BCO2: variants seen among roughly 807,000 people sequenced by gnomAD.
BCO2 encodes the protein carotenoid-cleaving dioxygenase, mitochondrial.
Under a neutral mutation model 65.8 loss-of-function variants are expected in BCO2, and 56 were observed. That is an observed-to-expected ratio of 0.85 (90% confidence interval 0.69 to 1.06). The LOEUF is 1.06. Among genes scored for constraint, BCO2 ranks in the 50% least tolerant of loss-of-function variants. The pLI, the probability that BCO2 is intolerant of heterozygous loss-of-function variation, is 0.00. For synonymous variants in BCO2, 233 were observed against 242.3 expected (o/e 0.96, Z 0.36); for missense variants, 675 against 698.5 (o/e 0.97, Z 0.38).
intron 11 of BCO2, 22 bp downstream of exon 11, chr11:112,216,352 C>T (rs773994641): frequency 1.2e-5 from 19 of 1,564,386 alleles, no homozygotes; most frequent in Non-Finnish European, 1.6e-5. Flanking sequence ...TCCCTATCAC[C>T]AGTCAGAAAG....
At chr11:112,189,677 C>G (rs542350536) in intron 2 of BCO2, among the ~76,000 whole-genome samples, 1 of 152,148 alleles carries the variant, frequency 6.6e-6, no homozygotes, top group African/African-American at 2.4e-5. Flanking sequence ...GCTGGGATTA[C>G]AGGCGTAAGC....
rs758735644 is a variant in BCO2, at chr11:112,194,649, G to T, written c.634-4G>T. 3 of 1,592,078 alleles carry T rather than the reference G, an allele frequency of 1.9e-6. No individual in the cohort carries two copies. The Admixed American group carries it at 5.0e-5, about 27-fold the overall frequency. ...AAAAATCTCCAGTGGTCTCAAATTT[G>T]CAGGTAGATTGGAGCAAATTTATTG... is the stretch of plus-strand genomic sequence containing the variant. On this transcript the variant is annotated splice_region_variant and splice_polypyrimidine_tract_variant and intron_variant, in intron 4 of 11. Transcript: ENST00000357685.
chr11:112,199,283 T>C (rs1359638691), intron 5 of BCO2, among the ~76,000 whole-genome samples: 1 of 152,220 alleles, frequency 6.6e-6, no homozygotes, highest in Admixed American at 6.5e-5. Flanking sequence ...GCAAAGGACA[T>C]GAACTCATCC....
intron 2 of BCO2, among the ~76,000 whole-genome samples, chr11:112,186,167 A>G (rs937749100): frequency 6.6e-6 from 1 of 152,232 alleles, no homozygotes; most frequent in African/African-American, 2.4e-5. Flanking sequence ...CCCAGAGAAT[A>G]AACAGCCTCT....
chr11:112,196,576 C>T (rs983304636), intron 5 of BCO2, among the ~76,000 whole-genome samples: 36 of 152,086 alleles, frequency 2.4e-4, no homozygotes, highest in African/African-American at 8.2e-4. Context: ...TAATAGAGTA[C>T]TCTTGGACTA....
At chr11:112,192,132 A>T (rs754289303) in intron 2 of BCO2, among the ~76,000 whole-genome samples, 16 of 152,144 alleles carry the variant, frequency 1.1e-4, no homozygotes, top group Middle Eastern at 3.2e-3. Context: ...TATGAACTTG[A>T]CTACTTTAAA....
Position 112,217,935 on chromosome 11 carries a change from C to G in BCO2, c.*61C>G. The G allele has an allele frequency of 8.0e-7, 1 of 1,257,034 alleles. No individual in the cohort carries two copies. The highest frequency in any genetic ancestry group is 1.1e-6 in the Non-Finnish European group (1 of 881,466). The allele number at this position is 1,257,034 out of a possible 1,614,324, so 77.9% of individuals were successfully genotyped here. ...ATAAGTGTGCACTTGGACATAAAGA[C>G]TGGAGAAATAAACACTGAGGACTCC... On this transcript the variant is annotated 3_prime_UTR_variant, in exon 12 of 12. Transcript: ENST00000357685.
intron 5 of BCO2, among the ~76,000 whole-genome samples, chr11:112,195,713 G>C (rs1867552706): frequency 6.6e-6 from 1 of 152,146 alleles, no homozygotes; most frequent in Admixed American, 6.5e-5. Flanking sequence ...CAAAGTGCTG[G>C]GATTTCAGGC....
At chr11:112,179,626 A>G in intron 2 of BCO2, 144 bp downstream of exon 2, 1 of 736,114 alleles carries the variant, frequency 1.4e-6, no homozygotes, top group Non-Finnish European at 2.2e-6. Context: ...AGCCTAGAGG[A>G]GAAGAAAGGA....
intron 1 of BCO2, chr11:112,176,528 G>GGGGGGA (rs71060227): frequency 2.5e-5 from 2 of 81,128 alleles, no homozygotes; most frequent in South Asian, 5.6e-4. Flanking sequence ...GGGGGGGGGG[G>GGGGGGA]AATTAAACAT....
chr11:112,181,093 A>G lies in BCO2; in HGVS notation c.293+1611A>G. 4 of 1,498,432 alleles carry G rather than the reference A, an allele frequency of 2.7e-6. No individual in the cohort carries two copies. The South Asian group carries it at 4.5e-5, about 17-fold the overall frequency. 92.8% of individuals were successfully genotyped at this position (1,498,432 alleles called of 1,614,324 possible). A position where few individuals can be genotyped will look rare whatever the true frequency, so the allele number is the denominator to read the frequency against. ...ACTTTACAACTACACGGAGCACTTT[A>G]GTGAATAAAGAACCTGACAGTATGC... On this transcript the variant is annotated intron_variant, in intron 2 of 11. Coordinates refer to ENST00000357685, the MANE Select transcript of BCO2 (RefSeq NM_031938.7).
rs190336445 is a variant in BCO2 at position 112,204,103 on chromosome 11, G to A, written c.1194+1913G>A. Among the ~76,000 whole-genome samples, 796 of 152,156 alleles carry A rather than the reference G, an allele frequency of 5.2e-3. 4 individuals are homozygous for A. Among genetic ancestry groups the A allele is most frequent in the Non-Finnish European group, 8.7e-3 (589 of 67,982 alleles). On this transcript the variant is annotated intron_variant, in intron 8 of 11. Coordinates refer to ENST00000357685, the MANE Select transcript of BCO2 (RefSeq NM_031938.7). Reference sequence around the variant, plus strand: ...TCTTGACTTCAGGTGATCTGCCTGCGTTGGCCTCCCAAAGTGCTGGGATTA... The same window carrying A: ...TCTTGACTTCAGGTGATCTGCCTGCATTGGCCTCCCAAAGTGCTGGGATTA...
intron 8 of BCO2, among the ~76,000 whole-genome samples, chr11:112,205,082 C>G (rs1196259840): frequency 6.6e-6 from 1 of 152,154 alleles, no homozygotes; most frequent in African/African-American, 2.4e-5. Context: ...GGTAAGGCTT[C>G]CAGTCAACAA....
intron 10 of BCO2, 189 bp downstream of exon 10, chr11:112,215,133 C>T: frequency 1.7e-6 from 1 of 594,142 alleles, no homozygotes; most frequent in Non-Finnish European, 2.9e-6. Flanking sequence ...AAATTGACCC[C>T]AGGCCCAGCA....
chr11:112,199,951 G>T, intron 6 of BCO2, 124 bp downstream of exon 6: 2 of 1,134,852 alleles, frequency 1.8e-6, no homozygotes, highest in Non-Finnish European at 1.2e-6. Context: ...GACCAAGGTT[G>T]CATTTTGATG....
intron 2 of BCO2, among the ~76,000 whole-genome samples, chr11:112,189,499 G>A (rs747887150): frequency 1.3e-4 from 19 of 150,368 alleles, no homozygotes; most frequent in Non-Finnish European, 2.5e-4. Flanking sequence ...TCCACCTCCC[G>A]GGTTCATGCC....
chr11:112,196,213 A>G (rs1392076101), intron 5 of BCO2, among the ~76,000 whole-genome samples: 1 of 151,900 alleles, frequency 6.6e-6, no homozygotes, highest in Admixed American at 6.6e-5. Context: ...CAGGAAATTC[A>G]TCTCTTTATC....
chr11:112,199,471 A>G (rs1289758969), intron 5 of BCO2, among the ~76,000 whole-genome samples: 1 of 109,724 alleles, frequency 9.1e-6, no homozygotes, highest in African/African-American at 3.4e-5. Context: ...ACAATGAATC[A>G]TTGGTTGATC....
At chr11:112,208,474 T>G (rs1223495112) in intron 8 of BCO2, 1 of 154,202 alleles carries the variant, frequency 6.5e-6, no homozygotes, top group Non-Finnish European at 1.4e-5. Flanking sequence ...TGAATATAAG[T>G]GATGATAATG....
Sources: allele counts gnomAD v4.1 joint callset (sites outside exome capture counted in the v4.1 genomes callset), GRCh38; gene constraint gnomAD v4.1.1; transcripts MANE v1.5; gene names NCBI Gene and HGNC (gene_info 2026-07-23, HGNC 2026-07-21).